TRIM17: variants seen among roughly 807,000 people sequenced by gnomAD.
TRIM17 encodes the protein tripartite motif containing 17, also known as E3 ubiquitin-protein ligase TRIM17.
Under a neutral mutation model 35.8 loss-of-function variants are expected in TRIM17, and 27 were observed. The observed-to-expected ratio is 0.75, with a 90% CI of 0.56 to 1.04. The LOEUF (loss-of-function observed/expected upper bound fraction) is 1.04. Among genes scored for constraint, TRIM17 ranks in the 50% least tolerant of loss-of-function variants. The pLI, the probability that TRIM17 is intolerant of heterozygous loss-of-function variation, is 0.00. For synonymous variants in TRIM17, 246 were observed against 252.6 expected, an observed-to-expected ratio of 0.97 and a Z score of 0.25; for missense variants, 582 against 612.8, an observed-to-expected ratio of 0.95 and a Z score of 0.53.
intron 3 of TRIM17, 22 bp downstream of exon 3, chr1:228,413,775 C>G (rs1044169322): frequency 6.3e-7 from 1 of 1,597,654 alleles, no homozygotes; most frequent in Non-Finnish European, 8.6e-7. Context: ...AGGAAAGGGA[C>G]TGGACAGCCC....
Position 228,408,363 on chromosome 1 carries a change from G to C in TRIM17, c.1272C>G (p.Phe424Leu), listed in dbSNP as rs148358732. The C allele has an allele frequency of 6.2e-7, 1 of 1,614,120 alleles. No homozygotes were observed. The highest frequency in any genetic ancestry group is 1.1e-5 in the South Asian group (1 of 91,078). ...PPSHMGIFLD[F>L]EAGEVSFYSV... The stretch of plus-strand genomic sequence containing the variant: ...TGTAGAAGGACACTTCCCCGGCTTC[G>C]AAGTCCAGGAAGATGCCCATGTGGC... The change falls in exon 7 of 7, where the codon TTC becomes TTG. Residue 424 changes from phenylalanine to leucine, a missense_variant. Physicochemically the swap from Phe to Leu is conservative, Grantham distance 22. Transcript: ENST00000366698. The surrounding 1 kb of genome is among the most constrained non-coding windows in gnomAD (Gnocchi z 6.3).
chr1:228,416,447 G>A, intron 1 of TRIM17, 92 bp downstream of exon 1: 2 of 986,818 alleles, frequency 2.0e-6, no homozygotes, highest in Non-Finnish European at 2.4e-6. Flanking sequence ...GGAAGGCCGG[G>A]CGTTGGAGGG....
rs746701267 is a variant in TRIM17, at chr1:228,410,978, G to A, written c.724C>T (p.Arg242Trp). Residue 242 changes from arginine to tryptophan, a missense_variant, in exon 4 of 7, where the codon CGG (arginine) becomes TGG (tryptophan). By Grantham distance (101) the Arg-to-Trp change is moderately radical. Coordinates refer to ENST00000366698, the MANE Select transcript of TRIM17 (RefSeq NM_016102.4). The surrounding 1 kb of genome is among the most constrained non-coding windows in gnomAD (Gnocchi z 4.6). The stretch of plus-strand genomic sequence containing the variant: ...ATCTGGAGGGGCCCCTGTGTGCTCC[G>A]CTCCTCCAGCTGCAGCAGCAGCAGC... ...LELLLLQLEE[R>W]STQGPLQMLQ... The A allele has an allele frequency of 6.9e-6, 11 of 1,598,788 alleles. No homozygotes were observed. Among genetic ancestry groups the A allele is most frequent in the East Asian group, 4.5e-5 (2 of 44,568 alleles).
In TRIM17 at chr1:228,408,577, C is replaced by T. The variant is rs1458879015; in HGVS notation, c.1058G>A (p.Trp353Ter). The change falls in exon 7 of 7, where the codon TGG becomes TAG. Residue 353 changes from tryptophan (W) to a stop codon, truncating the protein, a stop_gained. Transcript: ENST00000366698. LOFTEE classifies it low-confidence loss of function (END_TRUNC). The surrounding 1 kb of genome is among the most constrained non-coding windows in gnomAD (Gnocchi z 6.3). ...CCCGGTGATGTTCATGCCCACCTCC[C>T]AGTAGTGCCTCCCAGAGGAGAAGGC... ...QTAFSSGRHY[W>*]EVGMNITGDA... The T allele has an allele frequency of 6.2e-7, 1 of 1,614,088 alleles. No homozygotes were observed. Among genetic ancestry groups the T allele is most frequent in the Non-Finnish European group, 8.5e-7 (1 of 1,180,026 alleles).
intron 1 of TRIM17, 129 bp downstream of exon 1, chr1:228,416,410 C>T (rs184518731): frequency 4.2e-5 from 41 of 986,842 alleles, no homozygotes; most frequent in African/African-American, 2.1e-4. Context: ...GCTAGCCCCT[C>T]CAGGGACGCG....
chr1:228,409,628 CCT>C, intron 4 of TRIM17: 1 of 498,786 alleles, frequency 2.0e-6, no homozygotes, highest in Non-Finnish European at 3.5e-6. Flanking sequence ...GCTGAGCTAC[CCT>C]GTCAGCCCAC....
chr1:228,411,205 GCCAGCAGGTGGCTCA>G lies in TRIM17; in HGVS notation c.526-44_526-30del. On this transcript the variant is annotated intron_variant, in intron 3 of 6. Coordinates refer to ENST00000366698, the MANE Select transcript of TRIM17 (RefSeq NM_016102.4). The surrounding 1 kb of genome is among the most constrained non-coding windows in gnomAD (Gnocchi z 4.2). ...CAGGAGTGGAGAAGCCCAGCATGTT[GCCAGCAGGTGGCTCA>G]GCTCCAGGGATGCTGGCACCTCTCC... The G allele has an allele frequency of 6.4e-7, 1 of 1,562,120 alleles. No homozygotes were observed. The highest frequency in any genetic ancestry group is 8.7e-7 in the Non-Finnish European group (1 of 1,149,336).
rs763237993 is a variant in TRIM17 at position 228,410,604 on chromosome 1, T to C, written c.756+342A>G. On this transcript the variant is annotated intron_variant, in intron 4 of 6. Coordinates refer to ENST00000366698, the MANE Select transcript of TRIM17 (RefSeq NM_016102.4). This position sits in a 1 kb window ranked among gnomAD's most constrained non-coding sequence, Gnocchi z 4.6. ...CTCAGGACCTCAGAATGTGACTGTGTTTGGAGATAGCATCTTTAAGGAGGG... is the reference window on the plus strand; with the variant it reads ...CTCAGGACCTCAGAATGTGACTGTGCTTGGAGATAGCATCTTTAAGGAGGG... Among the ~76,000 whole-genome samples the C allele has an allele frequency of 1.3e-5, 2 of 152,170 alleles. No homozygotes were observed. Among genetic ancestry groups the C allele is most frequent in the Admixed American group, 6.5e-5 (1 of 15,276 alleles).
At chr1:228,415,154 C>G (rs550579269) in intron 1 of TRIM17, 41 bp from the exon 2 acceptor site, 14 of 1,474,010 alleles carry the variant, frequency 9.5e-6, no homozygotes, top group South Asian at 1.4e-5. Context: ...ATCTGGGCGC[C>G]GGCAGTGTGC....
chr1:228,409,345 C>A, intron 5 of TRIM17, 44 bp downstream of exon 5: 1 of 1,596,718 alleles, frequency 6.3e-7, no homozygotes, highest in Non-Finnish European at 8.5e-7. Flanking sequence ...CCCCCCCGCC[C>A]ACCGCTGCCA....
In TRIM17 at chr1:228,416,213, C is replaced by T. The variant is rs1371061175; in HGVS notation, c.-42+326G>A. ...GTCCAGTTTCTCGGAGCTTTCTGCA[C>T]GCCAACCACCCGGCGCCAGCCCTCC... On this transcript the variant is annotated intron_variant, in intron 1 of 6. Coordinates refer to ENST00000366698, the MANE Select transcript of TRIM17 (RefSeq NM_016102.4). Among the ~76,000 whole-genome samples, 7 of 152,210 alleles carry T rather than the reference C, an allele frequency of 4.6e-5. No individual in the cohort carries two copies. In the South Asian group the frequency reaches 1.2e-3, roughly 27 times the overall value.
intron 6 of TRIM17, 23 bp downstream of exon 6, chr1:228,409,149 C>T: frequency 1.2e-6 from 2 of 1,614,066 alleles, no homozygotes; most frequent in Non-Finnish European, 8.5e-7. Context: ...GGTCAGAGGT[C>T]CTGGCCCTGG....
intron 3 of TRIM17, among the ~76,000 whole-genome samples, chr1:228,412,595 C>CAAAAAAA (rs34002550): frequency 6.3e-5 from 3 of 47,410 alleles, no homozygotes; most frequent in African/African-American, 9.5e-5. Flanking sequence ...CTTGTCTCTA[C>CAAAAAAA]AAAAAAAAAA....
At chr1:228,414,041 C>A in intron 2 of TRIM17, 149 bp from the exon 3 acceptor site, 1 of 659,662 alleles carries the variant, frequency 1.5e-6, no homozygotes, top group Non-Finnish European at 2.7e-6. Flanking sequence ...GAATGTGCCA[C>A]CTTGGATTAT....
intron 3 of TRIM17, among the ~76,000 whole-genome samples, chr1:228,412,742 C>G (rs374967139): frequency 1.3e-5 from 2 of 151,872 alleles, no homozygotes; most frequent in Non-Finnish European, 2.9e-5. Flanking sequence ...TGTGCTCCAG[C>G]CTGGGCCACA....
At position 228,408,104 on chromosome 1, in the gene TRIM17, C is replaced by A. The variant is rs977115809; in HGVS notation, c.*97G>T. On this transcript the variant is annotated 3_prime_UTR_variant, in exon 7 of 7. Coordinates refer to ENST00000366698, the MANE Select transcript of TRIM17 (RefSeq NM_016102.4). This position sits in a 1 kb window ranked among gnomAD's most constrained non-coding sequence, Gnocchi z 6.3. ...CCCCTGTGTGTCTAATGGCTGCCAG[C>A]GTGATGCCAGAGAACCCTGGCAGGT... The A allele has an allele frequency of 3.3e-6, 4 of 1,201,638 alleles. No individual in the cohort carries two copies. The highest frequency in any genetic ancestry group is 4.6e-6 in the Non-Finnish European group (4 of 866,434). The allele number at this position is 1,201,638 out of a possible 1,614,324, so 74.4% of individuals were successfully genotyped here.
At chr1:228,413,940 C>T in intron 2 of TRIM17, 48 bp from the exon 3 acceptor site, 1 of 1,506,844 alleles carries the variant, frequency 6.6e-7, no homozygotes, top group East Asian at 2.3e-5. Flanking sequence ...ATCCCCCTAC[C>T]TCCTGCCTAG....
At position 228,410,309 on chromosome 1, in the gene TRIM17, C is replaced by A. The variant is rs932711309; in HGVS notation, c.756+637G>T. On this transcript the variant is annotated intron_variant, in intron 4 of 6. Coordinates refer to ENST00000366698, the MANE Select transcript of TRIM17 (RefSeq NM_016102.4). The surrounding 1 kb of genome is among the most constrained non-coding windows in gnomAD (Gnocchi z 4.6). Reference sequence around the variant, plus strand: ...TGGCGTCTTATCAGCCGTAATCAAGCCCCCTCTCCAGGGCCATGGCACACA... The same window carrying A: ...TGGCGTCTTATCAGCCGTAATCAAGACCCCTCTCCAGGGCCATGGCACACA... Among the ~76,000 whole-genome samples, 1 of 152,082 alleles carries A rather than the reference C, an allele frequency of 6.6e-6. No homozygotes were observed. The highest frequency in any genetic ancestry group is 6.5e-5 in the Admixed American group (1 of 15,272).
At position 228,408,452 on chromosome 1, in the gene TRIM17, T is replaced by G. The variant is rs1656566088; in HGVS notation, c.1183A>C (p.Lys395Gln). Residue 395 changes from lysine to glutamine, a missense_variant, in exon 7 of 7, where the codon AAG becomes CAG. By Grantham distance (53) the Lys-to-Gln change is moderately conservative. Transcript: ENST00000366698. The surrounding 1 kb of genome is among the most constrained non-coding windows in gnomAD (Gnocchi z 6.3). ...ENGFWVVQLS[K>Q]GTKYLSTFSA... is the part of the protein sequence containing the mutation. ...AAGGTGGATAAGTACTTGGTCCCCT[T>G]GGACAGCTGCACCACCCAGAAGCCG... 1.2e-6 allele frequency: 2 copies of G among 1,614,176 alleles called. No homozygotes were observed. The highest frequency in any genetic ancestry group is 1.7e-6 in the Non-Finnish European group (2 of 1,180,014).
Sources: gnomAD v4.1 joint callset for allele counts (sites outside exome capture counted in the v4.1 genomes callset) on GRCh38, gnomAD v4.1.1 for gene constraint, Gnocchi (gnomAD v3.1) non-coding constraint, MANE v1.5 for transcripts, NCBI Gene and HGNC (gene_info 2026-07-23, HGNC 2026-07-21) for gene names.